The following NKIRAS1 variants were observed in gnomAD, a reference collection of about 807,000 sequenced individuals.
NKIRAS1 encodes the protein NF-kappa-B inhibitor-interacting Ras-like protein 1.
A neutral mutation model predicts 19.8 loss-of-function variants in NKIRAS1; 16 were observed. The ratio of observed to expected loss-of-function variants is 0.81; its 90% confidence interval spans 0.55 to 1.23. The LOEUF is 1.23. NKIRAS1 is among the 50% of genes most tolerant of loss of function. The pLI, the probability that NKIRAS1 is intolerant of heterozygous loss-of-function variation, is 0.00. For synonymous variants in NKIRAS1, 88 were observed against 79.0 expected, an observed-to-expected ratio of 1.11 and a Z score of -0.61; for missense variants, 184 against 220.0, an observed-to-expected ratio of 0.84 and a Z score of 1.04.
chr3:23,916,320 C>A (rs1020991175), intron 1 of NKIRAS1: 4 of 151,914 alleles, frequency 2.6e-5, no homozygotes, highest in African/African-American at 9.7e-5. Context: ...TAAAAAAAAA[C>A]CCGCAACGCA....
chr3:23,894,673 T>C (rs570931167), intron 4 of NKIRAS1, among the ~76,000 whole-genome samples: 1 of 152,262 alleles, frequency 6.6e-6, no homozygotes, highest in African/African-American at 2.4e-5. Context: ...TCACCTTTCC[T>C]AGTTGCCTTG....
At chr3:23,942,764 G>C (rs2125272504) in intron 1 of NKIRAS1, among the ~76,000 whole-genome samples, 1 of 150,160 alleles carries the variant, frequency 6.7e-6, no homozygotes, top group South Asian at 2.1e-4. Context: ...TTTTTTTTTC[G>C]AGACGGGATC....
At chr3:23,914,625 C>T (rs1704115506) in intron 1 of NKIRAS1, among the ~76,000 whole-genome samples, 1 of 152,158 alleles carries the variant, frequency 6.6e-6, no homozygotes, top group Non-Finnish European at 1.5e-5. Flanking sequence ...TTACTGAGGG[C>T]CTGCCATCAT....
chr3:23,914,900 C>T (rs1704165878), intron 1 of NKIRAS1, among the ~76,000 whole-genome samples: 1 of 152,216 alleles, frequency 6.6e-6, no homozygotes, highest in Non-Finnish European at 1.5e-5. Flanking sequence ...CCATAGGCAG[C>T]GTACCTACAG....
At chr3:23,908,007 G>C (rs1240964394) in intron 3 of NKIRAS1, among the ~76,000 whole-genome samples, 3 of 152,146 alleles carry the variant, frequency 2.0e-5, no homozygotes, top group Non-Finnish European at 4.4e-5. Flanking sequence ...TTCAAGGAAA[G>C]TAACTATGGT....
At chr3:23,906,874 A>G (rs1445820424) in intron 3 of NKIRAS1, among the ~76,000 whole-genome samples, 1 of 151,836 alleles carries the variant, frequency 6.6e-6, no homozygotes, top group Non-Finnish European at 1.5e-5. Context: ...AATAACCTTT[A>G]TTTTTTAAAG....
intron 1 of NKIRAS1, among the ~76,000 whole-genome samples, chr3:23,914,289 G>C (rs1467854425): frequency 6.6e-6 from 1 of 151,856 alleles, no homozygotes; most frequent in African/African-American, 2.4e-5. Flanking sequence ...TATTGCTTCT[G>C]TTCTTCTATG....
rs1360671131 is a variant in NKIRAS1 at position 23,901,018 on chromosome 3, T to C, written c.126A>G (p.Val42=). 1.2e-6 allele frequency: 2 copies of C among 1,614,042 alleles called. No homozygotes were observed. The highest frequency in any genetic ancestry group is 1.3e-5 in the African/African-American group (1 of 74,948). ...GGTCTGTTTCTACTGAAGCCATGTA[T>C]ACATCTTCCATTGTTTCGCAATCTT... ...GMEDCETMED[V]YMASVETDRG... is the part of the protein sequence containing the mutation. Residue 42 remains valine (V), a synonymous_variant, in exon 4 of 5, where the codon GTA becomes GTG. Transcript: ENST00000425478.
At chr3:23,929,088 G>A (rs369911908) in intron 1 of NKIRAS1, among the ~76,000 whole-genome samples, 2 of 151,934 alleles carry the variant, frequency 1.3e-5, no homozygotes, top group Non-Finnish European at 2.9e-5. Context: ...TGTGCCAGGC[G>A]TGGTGGCTCA....
At position 23,891,287 on chromosome 3, in the gene NKIRAS1, TAAAC is replaced by T. The variant is rs1441196609; in HGVS notation, c.*1804_*1807del. The T allele has an allele frequency of 1.3e-5, 2 of 152,232 alleles. No individual in the cohort carries two copies. Among genetic ancestry groups the T allele is most frequent in the East Asian group, 3.8e-4 (2 of 5,200 alleles). 9.4% of individuals were successfully genotyped at this position (152,232 alleles called of 1,614,324 possible). A position where few individuals can be genotyped will look rare whatever the true frequency, so the allele number is the denominator to read the frequency against. On this transcript the variant is annotated 3_prime_UTR_variant, in exon 5 of 5. Transcript: ENST00000425478. ...AAGTCTGCATTTGTTACTGTGCTAATAAACAATATTAAAAACCACCTAATAAACA... is the reference window on the plus strand; with the variant it reads ...AAGTCTGCATTTGTTACTGTGCTAATAATATTAAAAACCACCTAATAAACA...
At chr3:23,932,684 G>A (rs1467525276) in intron 1 of NKIRAS1, among the ~76,000 whole-genome samples, 5 of 130,774 alleles carry the variant, frequency 3.8e-5, no homozygotes, top group Admixed American at 1.6e-4. Flanking sequence ...GCAAAATTCC[G>A]TCTCAAAAAA....
chr3:23,930,311 T>G (rs1419490249), intron 1 of NKIRAS1, among the ~76,000 whole-genome samples: 2 of 151,852 alleles, frequency 1.3e-5, no homozygotes, highest in African/African-American at 4.8e-5. Context: ...AGGGGGAGGG[T>G]CCTGCTAAGC....
rs7616154 is a variant in NKIRAS1 at position 23,938,490 on chromosome 3, G to C, written c.-140+7833C>G. On this transcript the variant is annotated intron_variant, in intron 1 of 4. Coordinates refer to the NKIRAS1 transcript ENST00000421515. ...GACTCCCAGAGTGTTATGATTACAG[G>C]TGTGAGCCACCATGCCCAGCCATGT... 2.0e-5 allele frequency among the ~76,000 whole-genome samples: 3 copies of C among 152,108 alleles called. No homozygotes were observed. In the South Asian group the frequency reaches 6.2e-4, roughly 32 times the overall value.
intron 1 of NKIRAS1, among the ~76,000 whole-genome samples, chr3:23,940,700 T>G (rs1161600375): frequency 7.1e-6 from 1 of 141,356 alleles, no homozygotes; most frequent in Non-Finnish European, 1.6e-5. Flanking sequence ...AACAAAATCA[T>G]TTTTTTAGTT....
At chr3:23,918,932 T>C, upstream of NKIRAS1, 1 of 531,974 alleles carries the variant, frequency 1.9e-6, no homozygotes, top group Non-Finnish European at 3.3e-6. Flanking sequence ...TAAATTTTGT[T>C]ACCCAGATAT....
intron 2 of NKIRAS1, 79 bp from the exon 3 acceptor site, chr3:23,911,000 A>C (rs1703643449): frequency 9.3e-7 from 1 of 1,072,018 alleles, no homozygotes; most frequent in Non-Finnish European, 1.4e-6. Context: ...ATTTCAATTT[A>C]ATATGTAACA....
Position 23,892,461 on chromosome 3 carries a change from A to C in NKIRAS1, c.*634T>G, listed in dbSNP as rs1005919416. ...TCTATCAACAGGGGTCTGGCTAAGG[A>C]AAAAACGGCCTTAGAGCGTGATGAA... On this transcript the variant is annotated 3_prime_UTR_variant, in exon 5 of 5. Coordinates refer to ENST00000425478, the MANE Select transcript of NKIRAS1 (RefSeq NM_020345.4). 2 of 152,196 alleles carry C rather than the reference A, an allele frequency of 1.3e-5. No homozygotes were observed. Among genetic ancestry groups the C allele is most frequent in the African/African-American group, 4.8e-5 (2 of 41,434 alleles). 9.4% of individuals were successfully genotyped at this position (152,196 alleles called of 1,614,324 possible).
rs1701367961 is a variant in NKIRAS1, at chr3:23,890,381, G to C, written c.*2714C>G. 4.2e-6 allele frequency: 3 copies of C among 710,038 alleles called. No individual in the cohort carries two copies. In the African/African-American group the frequency reaches 5.5e-5, roughly 13 times the overall value. The allele number at this position is 710,038 out of a possible 1,614,324, so 44.0% of individuals were successfully genotyped here. ...ATGGAAAAATATCCAGCATGGTGGA[G>C]TGGTGTTTCGAAGATGGGTTTGATC... On this transcript the variant is annotated 3_prime_UTR_variant, in exon 5 of 5. Transcript: ENST00000425478.
chr3:23,902,340 C>A (rs1347779739), intron 3 of NKIRAS1, among the ~76,000 whole-genome samples: 1 of 152,108 alleles, frequency 6.6e-6, no homozygotes, highest in African/African-American at 2.4e-5. Flanking sequence ...TAGATTGGAT[C>A]ATTGAGAAAC....
Sources: gnomAD v4.1 joint callset for allele counts (sites outside exome capture counted in the v4.1 genomes callset) on GRCh38, gnomAD v4.1.1 for gene constraint, MANE v1.5 for transcripts, NCBI Gene and HGNC (gene_info 2026-07-23, HGNC 2026-07-21) for gene names.